The following HS3ST3A1 variants were observed in gnomAD, a reference collection of about 807,000 sequenced individuals.
HS3ST3A1 encodes the protein heparan sulfate glucosamine 3-O-sulfotransferase 3A1.
In HS3ST3A1, 19 loss-of-function variants were observed where a neutral mutation model predicts 25.7. The observed-to-expected ratio is 0.74, with a 90% CI of 0.52 to 1.08. The LOEUF (loss-of-function observed/expected upper bound fraction) is 1.08, where lower values mean the gene tolerates loss of function less well. Among genes scored for constraint, HS3ST3A1 ranks in the 50% least tolerant of loss-of-function variants. The probability of loss-of-function intolerance (pLI) is 0.00; values close to 1 mark genes in which losing one functional copy is unlikely to be tolerated. For missense variants in HS3ST3A1, 459 were observed against 594.3 expected (o/e 0.77, Z 2.37); for synonymous variants, 226 against 278.6 (o/e 0.81, Z 1.88).
At chr17:13,556,742 C>T (rs913790679) in intron 1 of HS3ST3A1, among the ~76,000 whole-genome samples, 1 of 151,140 alleles carries the variant, frequency 6.6e-6, no homozygotes, top group Non-Finnish European at 1.5e-5. Context: ...GCCTCAGCTA[C>T]TCGGGAGGCT....
At chr17:13,574,089 T>G (rs1567627317) in intron 1 of HS3ST3A1, among the ~76,000 whole-genome samples, 1 of 151,778 alleles carries the variant, frequency 6.6e-6, no homozygotes, top group Non-Finnish European at 1.5e-5. Context: ...GTACTCTCTA[T>G]CCTTGTGCTC....
At chr17:13,571,298 T>C (rs528997991) in intron 1 of HS3ST3A1, among the ~76,000 whole-genome samples, 23 of 152,356 alleles carry the variant, frequency 1.5e-4, no homozygotes, top group African/African-American at 5.5e-4. Flanking sequence ...TAACCTCTGC[T>C]GGGGACTGCT....
chr17:13,523,563 G>A (rs1906316803), intron 1 of HS3ST3A1, among the ~76,000 whole-genome samples: 1 of 152,104 alleles, frequency 6.6e-6, no homozygotes, highest in African/African-American at 2.4e-5. Context: ...TATTGCCCCT[G>A]GAAAGAACTT....
intron 1 of HS3ST3A1, among the ~76,000 whole-genome samples, chr17:13,585,558 C>G (rs1202143928): frequency 2.6e-5 from 4 of 151,464 alleles, no homozygotes; most frequent in Non-Finnish European, 2.9e-5. Context: ...TTGTGGACAG[C>G]AGTTCACACT....
At chr17:13,512,321 A>AAACAAAAAAAAC (rs1555537365) in intron 1 of HS3ST3A1, among the ~76,000 whole-genome samples, 4 of 144,676 alleles carry the variant, frequency 2.8e-5, no homozygotes, top group African/African-American at 1.0e-4. Context: ...AAAAAAAAAA[A>AAACAAAAAAAAC]AAAAAACTGC....
chr17:13,520,769 G>C (rs1425628349), intron 1 of HS3ST3A1, among the ~76,000 whole-genome samples: 1 of 151,884 alleles, frequency 6.6e-6, no homozygotes, highest in Admixed American at 6.6e-5. Flanking sequence ...CACCCACCAG[G>C]CCTGGCTAAT....
intron 1 of HS3ST3A1, among the ~76,000 whole-genome samples, chr17:13,576,184 A>G (rs1397845912): frequency 6.6e-6 from 1 of 152,222 alleles, no homozygotes; most frequent in Admixed American, 6.5e-5. Flanking sequence ...TTAAAATAAC[A>G]AACATTGATT....
chr17:13,523,124 C>T (rs1598413236), intron 1 of HS3ST3A1, among the ~76,000 whole-genome samples: 1 of 152,090 alleles, frequency 6.6e-6, no homozygotes, highest in East Asian at 1.9e-4. Flanking sequence ...CTCAAGAGTC[C>T]AGCATCTGAG....
intron 1 of HS3ST3A1, among the ~76,000 whole-genome samples, chr17:13,556,312 C>T (rs542542054): frequency 1.9e-3 from 291 of 151,490 alleles, no homozygotes; most frequent in African/African-American, 6.4e-3. Context: ...GGGCAGACCA[C>T]CCTGGCTAAC....
chr17:13,503,740 G>A (rs1292614045), intron 1 of HS3ST3A1, among the ~76,000 whole-genome samples: 1 of 152,170 alleles, frequency 6.6e-6, no homozygotes, highest in Non-Finnish European at 1.5e-5. Flanking sequence ...GGGTGAGAAT[G>A]TGGAACTGGC....
intron 1 of HS3ST3A1, among the ~76,000 whole-genome samples, chr17:13,511,913 C>T (rs967081101): frequency 2.0e-5 from 3 of 151,932 alleles, no homozygotes; most frequent in Non-Finnish European, 1.5e-5. Flanking sequence ...TTTAAATACA[C>T]GTGGAAATAA....
intron 1 of HS3ST3A1, among the ~76,000 whole-genome samples, chr17:13,594,959 G>A (rs188122643): frequency 6.6e-6 from 1 of 152,240 alleles, no homozygotes. Flanking sequence ...CCACTAGGTG[G>A]CGCTACATAT....
At chr17:13,585,942 C>T (rs1299643700) in intron 1 of HS3ST3A1, among the ~76,000 whole-genome samples, 2 of 150,054 alleles carry the variant, frequency 1.3e-5, no homozygotes, top group African/African-American at 4.9e-5. Flanking sequence ...CTCTGCCTCC[C>T]AGGTTCAAGC....
intron 1 of HS3ST3A1, among the ~76,000 whole-genome samples, chr17:13,576,657 C>T (rs562593411): frequency 1.3e-5 from 2 of 152,314 alleles, no homozygotes; most frequent in Non-Finnish European, 2.9e-5. Flanking sequence ...ATCACCACAG[C>T]GGTGTTAAGG....
chr17:13,561,376 T>C (rs1038845804), intron 1 of HS3ST3A1, among the ~76,000 whole-genome samples: 24 of 151,746 alleles, frequency 1.6e-4, no homozygotes, highest in Non-Finnish European at 3.1e-4. Context: ...CACCCTGAGA[T>C]ACCAGATCAT....
intron 1 of HS3ST3A1, among the ~76,000 whole-genome samples, chr17:13,524,201 G>C (rs1156287941): frequency 1.3e-5 from 2 of 152,082 alleles, no homozygotes; most frequent in African/African-American, 4.8e-5. Context: ...ACAGACTTTT[G>C]AAACGACTAT....
At chr17:13,590,985 T>C (rs946855815) in intron 1 of HS3ST3A1, among the ~76,000 whole-genome samples, 2 of 151,820 alleles carry the variant, frequency 1.3e-5, no homozygotes, top group African/African-American at 4.8e-5. Context: ...GCCTCAGCTC[T>C]CCTTGCTCCA....
chr17:13,590,066 C>A (rs1165046496), intron 1 of HS3ST3A1, among the ~76,000 whole-genome samples: 8 of 152,166 alleles, frequency 5.3e-5, no homozygotes. Flanking sequence ...ACTTCCTACT[C>A]TGAACACTCG....
Position 13,496,601 on chromosome 17 carries a change from T to G in HS3ST3A1, c.817A>C (p.Asn273His). The G allele has an allele frequency of 1.2e-6, 2 of 1,608,650 alleles. No individual in the cohort carries two copies. The highest frequency in any genetic ancestry group is 2.2e-5 in the East Asian group (1 of 44,730). Reference sequence around the variant, plus strand: ...GTGTCGATGAGGCCCGCTGTCCTGTTTTTGAACGTCAAGCTCTCGAAGGTG... The same window carrying G: ...GTGTCGATGAGGCCCGCTGTCCTGTGTTTGAACGTCAAGCTCTCGAAGGTG... ...IPTFESLTFK[N>H]RTAGLIDTSW... The change falls in exon 2 of 2, where the codon AAC becomes CAC. Residue 273 changes from asparagine (N) to histidine (H), a missense_variant. By Grantham distance (68) the Asn-to-His change is moderately conservative. Transcript: ENST00000284110.
Sources: allele counts gnomAD v4.1 joint callset (sites outside exome capture counted in the v4.1 genomes callset), GRCh38; gene constraint gnomAD v4.1.1; transcripts MANE v1.5; gene names NCBI Gene and HGNC (gene_info 2026-07-23, HGNC 2026-07-21).